Variants in APC observed in about 807,000 individuals in gnomAD.
APC encodes the protein adenomatous polyposis coli protein.
A neutral mutation model predicts 247.0 loss-of-function variants in APC; 72 were observed. The observed-to-expected ratio is 0.29, with a 90% CI of 0.24 to 0.35. The LOEUF is 0.35. Ranked by LOEUF, APC falls within the 10% of genes least tolerant of loss-of-function variation. The probability of loss-of-function intolerance (pLI) is 1.00; values close to 1 mark genes in which losing one functional copy is unlikely to be tolerated. For synonymous variants in APC, 1,254 were observed against 1,162.5 expected, an observed-to-expected ratio of 1.08 and a Z score of -1.60; for missense variants, 3,400 against 3,360.7, an observed-to-expected ratio of 1.01 and a Z score of -0.29.
At chr5:112,790,774 C>T (rs1344484798) in intron 6 of APC, among the ~76,000 whole-genome samples, 2 of 152,138 alleles carry the variant, frequency 1.3e-5, no homozygotes, top group Non-Finnish European at 2.9e-5. Flanking sequence ...TTTATAACTG[C>T]ATGTATTTAA....
chr5:112,833,604 A>G (rs987417742), intron 14 of APC, among the ~76,000 whole-genome samples: 6 of 152,186 alleles, frequency 3.9e-5, no homozygotes, highest in South Asian at 4.1e-4. Flanking sequence ...GCCTGAAGGC[A>G]TGAGCCACCA....
chr5:112,836,614 T>C (rs1265914919), intron 15 of APC, among the ~76,000 whole-genome samples: 1 of 152,226 alleles, frequency 6.6e-6, no homozygotes, highest in East Asian at 1.9e-4. Context: ...TCACTCCTTG[T>C]TTTTATATGC....
intron 6 of APC, chr5:112,783,765 CAAAA>C (rs77929348): frequency 0.021 from 4,093 of 193,246 alleles, no homozygotes; most frequent in South Asian, 0.029. Flanking sequence ...CCACTGCACT[CAAAA>C]AAAAAAAAAA....
In APC at chr5:112,841,573, T is replaced by G. The variant is rs1766105398; in HGVS notation, c.5979T>G (p.Pro1993=). 1 of 1,614,012 alleles carries G rather than the reference T, an allele frequency of 6.2e-7. No homozygotes were observed. Among genetic ancestry groups the G allele is most frequent in the Non-Finnish European group, 8.5e-7 (1 of 1,179,888 alleles). The change falls in exon 16 of 16, where the codon CCT becomes CCG. Residue 1993 remains proline, a synonymous_variant. Transcript: ENST00000257430. The surrounding 1 kb of genome is among the most constrained non-coding windows in gnomAD (Gnocchi z 4.6). ...AACCTATCAAAGAGACTGAGCCCCCTGACTCACAGGGAGAACCAAGTAAAC... is the reference window on the plus strand; with the variant it reads ...AACCTATCAAAGAGACTGAGCCCCCGGACTCACAGGGAGAACCAAGTAAAC... ...ENEPIKETEP[P]DSQGEPSKPQ...
rs1060503354 is a variant in APC at position 112,841,511 on chromosome 5, A to G, written c.5917A>G (p.Ser1973Gly). The G allele has an allele frequency of 6.2e-7, 1 of 1,613,822 alleles. No individual in the cohort carries two copies. The highest frequency in any genetic ancestry group is 8.5e-7 in the Non-Finnish European group (1 of 1,179,720). The change falls in exon 16 of 16, where the codon AGT becomes GGT. Residue 1973 changes from serine (S) to glycine (G), a missense_variant. Physicochemically the swap from Ser to Gly is moderately conservative, Grantham distance 56. Coordinates refer to ENST00000257430, the MANE Select transcript of APC (RefSeq NM_000038.6). The surrounding 1 kb of genome is among the most constrained non-coding windows in gnomAD (Gnocchi z 4.6). ...FSHNSSLSSL[S>G]DIDQENNNKE... is the part of the protein sequence containing the mutation. ...TCATAATTCCTCTCTGAGTTCTCTC[A>G]GTGACATTGACCAAGAAAACAACAA...
rs1765448242 is a variant in APC, at chr5:112,839,127, A to G, written c.3533A>G (p.Asp1178Gly). The change falls in exon 16 of 16, where the codon GAT becomes GGT. Residue 1178 changes from aspartate (D) to glycine (G), a missense_variant. By Grantham distance (94) the Asp-to-Gly change is moderately conservative. Coordinates refer to ENST00000257430, the MANE Select transcript of APC (RefSeq NM_000038.6). This position sits in a 1 kb window ranked among gnomAD's most constrained non-coding sequence, Gnocchi z 5.0. Reference protein sequence around the residue: ...EEKRHVDQPIDYSLKYATDIP... With the variant: ...EEKRHVDQPIGYSLKYATDIP... ...AAACGTCATGTGGATCAGCCTATTG[A>G]TTATAGTTTAAAATATGCCACAGAT... The G allele has an allele frequency of 6.2e-7, 1 of 1,614,116 alleles. No individual in the cohort carries two copies. The highest frequency in any genetic ancestry group is 8.5e-7 in the Non-Finnish European group (1 of 1,180,034).
At chr5:112,707,947 T>C (rs898871493) in intron 1 of APC, 197 of 1,301,100 alleles carry the variant, frequency 1.5e-4, no homozygotes, top group Non-Finnish European at 1.9e-4. Flanking sequence ...GCCCCGCCGC[T>C]GCTCGGGACC....
chr5:112,755,081 C>T (rs942237685), intron 2 of APC, 56 bp downstream of exon 2: 1 of 1,607,304 alleles, frequency 6.2e-7, no homozygotes. Context: ...AGTATTCCCT[C>T]TTGTAAACTT....
At chr5:112,726,223 C>T (rs1019617462) in intron 1 of APC, among the ~76,000 whole-genome samples, 2 of 152,216 alleles carry the variant, frequency 1.3e-5, no homozygotes, top group Non-Finnish European at 2.9e-5. Context: ...GCTAAGTACC[C>T]TCCTGGTACC....
In APC at chr5:112,721,311, G is replaced by A. The variant is rs148006756; in HGVS notation, c.165+13429G>A. Among the ~76,000 whole-genome samples the A allele has an allele frequency of 2.0e-5, 3 of 152,248 alleles. No homozygotes were observed. The East Asian group carries it at 5.8e-4, about 29-fold the overall frequency. On this transcript the variant is annotated intron_variant, in intron 1 of 13. Coordinates refer to the APC transcript ENST00000507379. ...TGCCTGTAATCCCAGCTACTCGAGA[G>A]GCTGAGGCATGAGAATCACTTGAAC...
rs786203746 is a variant in APC, at chr5:112,839,104, A to G, written c.3510A>G (p.Lys1170=). The G allele has an allele frequency of 1.9e-6, 3 of 1,614,124 alleles. No individual in the cohort carries two copies. Among genetic ancestry groups the G allele is most frequent in the Admixed American group, 1.7e-5 (1 of 60,028 alleles). The change falls in exon 16 of 16, where the codon AAA becomes AAG. Residue 1170 remains lysine (K), a synonymous_variant. Transcript: ENST00000257430. The surrounding 1 kb of genome is among the most constrained non-coding windows in gnomAD (Gnocchi z 5.0). ...TNYSIKYNEE[K]RHVDQPIDYS... ...ATAGCATAAAATATAATGAAGAGAA[A>G]CGTCATGTGGATCAGCCTATTGATT...
chr5:112,713,292 A>G (rs762261461), intron 1 of APC, among the ~76,000 whole-genome samples: 1 of 151,988 alleles, frequency 6.6e-6, no homozygotes, highest in East Asian at 1.9e-4. Context: ...ATGCTTGGCT[A>G]TCCTTAGCAT....
Position 112,838,397 on chromosome 5 carries a change from T to A in APC, c.2803T>A (p.Tyr935Asn), listed in dbSNP as rs1170472401. Residue 935 changes from tyrosine (Y) to asparagine (N), a missense_variant, in exon 16 of 16, where the codon TAC (tyrosine) becomes AAC (asparagine). This residue lies in a region of APC where 715 missense variants were observed against 656.6 expected (regional missense o/e 1.09). Transcript: ENST00000257430. The part of the protein sequence containing the change: ...SSAAHTHSNT[Y>N]NFTKSENSNR... Reference sequence around the variant, plus strand: ...TGCTGCCCATACACATTCAAACACTTACAATTTCACTAAGTCGGAAAATTC... The same window carrying A: ...TGCTGCCCATACACATTCAAACACTAACAATTTCACTAAGTCGGAAAATTC... 1 of 1,614,062 alleles carries A rather than the reference T, an allele frequency of 6.2e-7. No homozygotes were observed. Among genetic ancestry groups the A allele is most frequent in the Non-Finnish European group, 8.5e-7 (1 of 1,180,036 alleles).
At chr5:112,770,332 T>C (rs1447938977) in intron 4 of APC, among the ~76,000 whole-genome samples, 1 of 152,170 alleles carries the variant, frequency 6.6e-6, no homozygotes, top group Non-Finnish European at 1.5e-5. Context: ...GTTTTATTTA[T>C]TATATAATAC....
intron 8 of APC, among the ~76,000 whole-genome samples, chr5:112,807,371 C>T (rs901711473): frequency 1.3e-5 from 2 of 152,054 alleles, no homozygotes; most frequent in African/African-American, 2.4e-5. Context: ...TCTTTTTATA[C>T]GTTACATTGT....
Position 112,743,110 on chromosome 5 carries a change from T to G in APC, c.-19+5185T>G, listed in dbSNP as rs139493241. On this transcript the variant is annotated intron_variant, in intron 1 of 15. Coordinates refer to ENST00000257430, the MANE Select transcript of APC (RefSeq NM_000038.6). ...ATTTTCTTGCTTTTCTTCAGCTTCTTGCATTCCTTGTCTCATGGCCTCTTT... is the reference window on the plus strand; with the variant it reads ...ATTTTCTTGCTTTTCTTCAGCTTCTGGCATTCCTTGTCTCATGGCCTCTTT... Among the ~76,000 whole-genome samples the G allele has an allele frequency of 4.7e-4, 71 of 152,306 alleles. 1 individual carries two copies. The highest frequency in any genetic ancestry group is 2.0e-3 in the Admixed American group (31 of 15,306).
intron 1 of APC, among the ~76,000 whole-genome samples, chr5:112,720,875 A>C (rs1751446909): frequency 6.6e-6 from 1 of 152,216 alleles, no homozygotes; most frequent in Non-Finnish European, 1.5e-5. Context: ...GTGGAATGGA[A>C]TTGTTCAGCT....
intron 4 of APC, among the ~76,000 whole-genome samples, chr5:112,774,330 T>G (rs1757365238): frequency 6.6e-6 from 1 of 152,148 alleles, no homozygotes; most frequent in African/African-American, 2.4e-5. Flanking sequence ...AAATGCTAAT[T>G]AGAGCATTTT....
At chr5:112,750,991 A>G (rs1402465519) in intron 1 of APC, among the ~76,000 whole-genome samples, 1 of 152,106 alleles carries the variant, frequency 6.6e-6, no homozygotes, top group Non-Finnish European at 1.5e-5. Flanking sequence ...TTGAGATGCT[A>G]CTTTAATCAT....
Sources: gnomAD v4.1 joint callset for allele counts (sites outside exome capture counted in the v4.1 genomes callset) on GRCh38, gnomAD v4.1.1 for gene constraint, gnomAD v4.1.1 regional missense constraint, Gnocchi (gnomAD v3.1) non-coding constraint, MANE v1.5 for transcripts, NCBI Gene and HGNC (gene_info 2026-07-23, HGNC 2026-07-21) for gene names.